USP26: variants seen among roughly 807,000 people sequenced by gnomAD.
The protein encoded by USP26 is ubiquitin carboxyl-terminal hydrolase 26.
For missense variants in USP26, 649 were observed against 642.3 expected, an observed-to-expected ratio of 1.01 and a Z score of -0.11; for synonymous variants, 236 against 240.6, an observed-to-expected ratio of 0.98 and a Z score of 0.18.
chrX:133,067,795 T>C (rs1193801276), intron 5 of USP26, among the ~76,000 whole-genome samples: 2 of 111,729 alleles, frequency 1.8e-5, no homozygotes, highest in Non-Finnish European at 3.8e-5. Flanking sequence ...ACCTAGATGA[T>C]GTGTTGATAG....
chrX:133,060,133 G>A (rs746604258), intron 5 of USP26, among the ~76,000 whole-genome samples: 1 of 111,638 alleles, frequency 9.0e-6, no homozygotes, highest in South Asian at 3.7e-4. Flanking sequence ...TAGTGTATGA[G>A]AATAGTTTTT....
intron 5 of USP26, among the ~76,000 whole-genome samples, chrX:133,063,828 G>A (rs895269777): frequency 1.8e-5 from 2 of 111,745 alleles, no homozygotes; most frequent in Non-Finnish European, 3.8e-5. Flanking sequence ...CAACTAATGT[G>A]CAAAATAACC....
intron 5 of USP26, among the ~76,000 whole-genome samples, chrX:133,046,097 C>G: frequency 9.0e-6 from 1 of 111,522 alleles, no homozygotes; most frequent in African/African-American, 3.3e-5. Context: ...TCCTCATCCC[C>G]AAAAAGCCTT....
intron 5 of USP26, among the ~76,000 whole-genome samples, chrX:133,065,929 C>T (rs756718878): frequency 1.5e-4 from 17 of 111,906 alleles, no homozygotes; most frequent in Non-Finnish European, 3.2e-4. Flanking sequence ...GAGAGGAAGT[C>T]AAATTGTCTC....
rs759273772 is a variant in USP26 at position 133,025,471 on chromosome X, C to T, written c.*8G>A. ...AGGCAGATCTGTACAAGGAGGAGTA[C>T]GTTCCTCTTATTCCTTCTGAAGGGT... On this transcript the variant is annotated 3_prime_UTR_variant, in exon 6 of 6. Coordinates refer to ENST00000511190, the MANE Select transcript of USP26 (RefSeq NM_031907.3). 11 of 1,208,705 alleles carry T rather than the reference C, an allele frequency of 9.1e-6. No individual in the cohort carries two copies. The highest frequency in any genetic ancestry group is 3.0e-5 in the East Asian group (1 of 33,735).
At chrX:133,032,815 T>C (rs1024000740) in intron 5 of USP26, among the ~76,000 whole-genome samples, 4 of 111,601 alleles carry the variant, frequency 3.6e-5, no homozygotes, top group African/African-American at 1.3e-4. Flanking sequence ...TATCACAAAA[T>C]ACTACGGAGT....
In USP26 at chrX:133,023,833, C is replaced by T. The variant is rs2067334388; in HGVS notation, c.*1646G>A. Among the ~76,000 whole-genome samples the T allele has an allele frequency of 8.9e-6, 1 of 111,890 alleles. No individual in the cohort carries two copies. The highest frequency in any genetic ancestry group is 1.9e-5 in the Non-Finnish European group (1 of 53,174). On this transcript the variant is annotated 3_prime_UTR_variant, in exon 6 of 6. Coordinates refer to ENST00000511190, the MANE Select transcript of USP26 (RefSeq NM_031907.3). Reference sequence around the variant, plus strand: ...CTCACCTATTTTAAAGGACCCTAGGCTTAAGAGCATCAACAAGCTCTTGGA... The same window carrying T: ...CTCACCTATTTTAAAGGACCCTAGGTTTAAGAGCATCAACAAGCTCTTGGA...
At position 133,027,930 on chromosome X, in the gene USP26, G is replaced by T. The variant is rs2148525391; in HGVS notation, c.291C>A (p.Phe97Leu). The change falls in exon 6 of 6, where the codon TTC (phenylalanine) becomes TTA (leucine). Residue 97 changes from phenylalanine to leucine, a missense_variant. Physicochemically the swap from Phe to Leu is conservative, Grantham distance 22. Coordinates refer to ENST00000511190, the MANE Select transcript of USP26 (RefSeq NM_031907.3). The part of the protein sequence containing the change: ...SSTDAEQLKI[F>L]LDRVHQNEVQ... ...CCTCGTTTTGATGAACTCTGTCCAA[G>T]AATATCTTCAATTGTTCAGCATCTG... 2.5e-6 allele frequency: 3 copies of T among 1,211,015 alleles called. No individual in the cohort carries two copies. In the East Asian group the frequency reaches 8.9e-5, roughly 36 times the overall value.
intron 5 of USP26, among the ~76,000 whole-genome samples, chrX:133,061,349 G>A (rs1055382759): frequency 8.9e-6 from 1 of 112,466 alleles, no homozygotes; most frequent in Admixed American, 9.4e-5. Context: ...GAATAGCAAT[G>A]TGTGCTGAGG....
intron 5 of USP26, among the ~76,000 whole-genome samples, chrX:133,044,730 G>A (rs1217899532): frequency 8.8e-6 from 1 of 113,148 alleles, no homozygotes; most frequent in Non-Finnish European, 1.9e-5. Context: ...CACAGTGCCT[G>A]GTCCCATCGA....
intron 5 of USP26, among the ~76,000 whole-genome samples, chrX:133,071,495 G>A (rs751105421): frequency 1.8e-5 from 2 of 108,886 alleles, no homozygotes; most frequent in Non-Finnish European, 3.8e-5. Flanking sequence ...TCCAGAAACA[G>A]TAACTCAACT....
Position 133,027,494 on chromosome X carries a change from C to T in USP26, c.727G>A (p.Ala243Thr), listed in dbSNP as rs185719820. Residue 243 changes from alanine to threonine, a missense_variant, in exon 6 of 6, where the codon GCC becomes ACC. Coordinates refer to ENST00000511190, the MANE Select transcript of USP26 (RefSeq NM_031907.3). ...TCATCTAGGTAAGGATTTCCAGTGG[C>T]GTTCATGATGCATGAAGATTCACAT... ...LECESSCIMN[A>T]TGNPYLDDIG... 18 of 1,209,056 alleles carry T rather than the reference C, an allele frequency of 1.5e-5. No individual in the cohort carries two copies. In the East Asian group the frequency reaches 4.7e-4, roughly 32 times the overall value.
At chrX:133,083,799 A>G (rs1206478130) in intron 4 of USP26, 28 bp from the exon 5 acceptor site, 2 of 111,786 alleles carry the variant, frequency 1.8e-5, no homozygotes, top group Non-Finnish European at 3.8e-5. Flanking sequence ...AAATTAGGGG[A>G]AAAAAGAAGT....
Position 133,024,767 on chromosome X carries a change from G to C in USP26, c.*712C>G, listed in dbSNP as rs192233320. 1.7e-4 allele frequency: 19 copies of C among 111,628 alleles called. 1 individual carries two copies. Among genetic ancestry groups the C allele is most frequent in the African/African-American group, 6.2e-4 (19 of 30,689 alleles). 9.2% of individuals were successfully genotyped at this position (111,628 alleles called of 1,213,427 possible). ...CAACCAAGGTAGTGTATGTAGTACA[G>C]TAGTGGTTCTCAAACTGTATCAAGC... On this transcript the variant is annotated 3_prime_UTR_variant, in exon 6 of 6. Transcript: ENST00000511190.
intron 5 of USP26, among the ~76,000 whole-genome samples, chrX:133,078,156 C>G (rs2067556932): frequency 9.0e-6 from 1 of 110,842 alleles, no homozygotes; most frequent in African/African-American, 3.3e-5. Flanking sequence ...ATGTGACACG[C>G]CTGCTCCCCC....
At position 133,024,655 on chromosome X, in the gene USP26, A is replaced by G. The variant is rs1156770826; in HGVS notation, c.*824T>C. 2 of 112,350 alleles carry G rather than the reference A, an allele frequency of 1.8e-5. No individual in the cohort carries two copies. The highest frequency in any genetic ancestry group is 6.5e-5 in the African/African-American group (2 of 30,966). The allele number at this position is 112,350 out of a possible 1,213,427, so 9.3% of individuals were successfully genotyped here. A position where few individuals can be genotyped will look rare whatever the true frequency, so the allele number is the denominator to read the frequency against. On this transcript the variant is annotated 3_prime_UTR_variant, in exon 6 of 6. Coordinates refer to ENST00000511190, the MANE Select transcript of USP26 (RefSeq NM_031907.3). Reference sequence around the variant, plus strand: ...GTGATTTTTGTGAGTTTGGCTTTTAATAAGTTCACAAAGGCAAGGCATACA... The same window carrying G: ...GTGATTTTTGTGAGTTTGGCTTTTAGTAAGTTCACAAAGGCAAGGCATACA...
chrX:133,026,770 T>C lies in USP26; in HGVS notation c.1451A>G (p.Asp484Gly). ...AAGCTCTTCTGCTCCAAAAAAAAGA[T>C]CAAAAGTAGACTGAATAGATGAAGG... ...AHPSSIQSTF[D>G]LFFGAEELEY... is the part of the protein sequence containing the mutation. Residue 484 changes from aspartate to glycine, a missense_variant, in exon 6 of 6, where the codon GAT (aspartate) becomes GGT (glycine). Coordinates refer to ENST00000511190, the MANE Select transcript of USP26 (RefSeq NM_031907.3). The C allele has an allele frequency of 1.7e-6, 2 of 1,211,146 alleles. No homozygotes were observed. The highest frequency in any genetic ancestry group is 2.2e-6 in the Non-Finnish European group (2 of 895,308).
Position 133,024,289 on chromosome X carries a change from A to T in USP26, c.*1190T>A, listed in dbSNP as rs2148524176. Among the ~76,000 whole-genome samples, 1 of 111,555 alleles carries T rather than the reference A, an allele frequency of 9.0e-6. No homozygotes were observed. The highest frequency in any genetic ancestry group is 3.3e-5 in the African/African-American group (1 of 30,728). On this transcript the variant is annotated 3_prime_UTR_variant, in exon 6 of 6. Transcript: ENST00000511190. ...AAGGTACAGAGATGTAAAAAAAAAA[A>T]AAAAATCTGGAATTAGTCATGTAAT...
intron 4 of USP26, among the ~76,000 whole-genome samples, chrX:133,089,744 C>A (rs1275026843): frequency 1.8e-5 from 2 of 112,000 alleles, no homozygotes; most frequent in African/African-American, 6.5e-5. Flanking sequence ...ACACTTGATT[C>A]TTACAACATT....
Sources: gnomAD v4.1 joint callset for allele counts (sites outside exome capture counted in the v4.1 genomes callset) on GRCh38, gnomAD v4.1.1 for gene constraint, MANE v1.5 for transcripts, NCBI Gene and HGNC (gene_info 2026-07-23, HGNC 2026-07-21) for gene names.